The following LY86 variants were observed in gnomAD, a reference collection of about 807,000 sequenced individuals.
LY86 encodes the protein lymphocyte antigen 86, also known as MD-1, RP105-associated.
LY86 carries 20 observed loss-of-function variants against 17.3 expected under a neutral mutation model. That is an observed-to-expected ratio of 1.15 (90% CI 0.81 to 1.68). LY86 has a LOEUF of 1.68. Among genes scored for constraint, LY86 ranks in the 40% most tolerant of loss-of-function variants. The pLI, the probability that LY86 is intolerant of heterozygous loss-of-function variation, is 0.00. For synonymous variants in LY86, 74 were observed against 70.6 expected, an observed-to-expected ratio of 1.05 and a Z score of -0.24; for missense variants, 200 against 191.9, an observed-to-expected ratio of 1.04 and a Z score of -0.25.
intron 1 of LY86, among the ~76,000 whole-genome samples, chr6:6,608,016 C>G (rs777209106): frequency 1.3e-5 from 2 of 152,148 alleles, no homozygotes; most frequent in Non-Finnish European, 2.9e-5. Flanking sequence ...TAGCTGTCTG[C>G]TCTTTAAAGA....
intron 1 of LY86, among the ~76,000 whole-genome samples, chr6:6,613,257 AATC>A (rs1410878031): frequency 1.3e-4 from 20 of 152,220 alleles, no homozygotes; most frequent in Non-Finnish European, 7.4e-5. Context: ...GCTGCCTGCC[AATC>A]CCGCGCCGTG....
chr6:6,624,765 G>C (rs138072232), intron 1 of LY86, among the ~76,000 whole-genome samples, 161 bp from the exon 2 acceptor site: 1 of 152,178 alleles, frequency 6.6e-6, no homozygotes, highest in Non-Finnish European at 1.5e-5. Flanking sequence ...ACACGGGGGG[G>C]AGCTGATGAA....
At chr6:6,642,405 G>A (rs1425648925) in intron 3 of LY86, among the ~76,000 whole-genome samples, 2 of 152,236 alleles carry the variant, frequency 1.3e-5, no homozygotes, top group Non-Finnish European at 2.9e-5. Flanking sequence ...TGGCCCGGGA[G>A]CTTGAGGAGA....
At chr6:6,637,870 C>T (rs1420942958) in intron 3 of LY86, among the ~76,000 whole-genome samples, 2 of 152,180 alleles carry the variant, frequency 1.3e-5, no homozygotes, top group African/African-American at 4.8e-5. Context: ...CTAATCAGCC[C>T]ACCAATTTAT....
intron 1 of LY86, among the ~76,000 whole-genome samples, chr6:6,602,299 G>A (rs1760933725): frequency 6.6e-6 from 1 of 152,162 alleles, no homozygotes; most frequent in South Asian, 2.1e-4. Context: ...TGAACACCTG[G>A]AATTGCTAGA....
At chr6:6,638,655 ATT>A (rs141701659) in intron 3 of LY86, among the ~76,000 whole-genome samples, 1 of 151,284 alleles carries the variant, frequency 6.6e-6, no homozygotes, top group Non-Finnish European at 1.5e-5. Flanking sequence ...ATACTGCTCT[ATT>A]TTTTTTTATT....
At chr6:6,596,920 G>T (rs905235968) in intron 1 of LY86, among the ~76,000 whole-genome samples, 6 of 152,234 alleles carry the variant, frequency 3.9e-5, no homozygotes, top group African/African-American at 1.4e-4. Flanking sequence ...AGAGTCTGTA[G>T]TTCTGAAGAG....
chr6:6,615,178 A>C (rs1008420711), intron 1 of LY86, among the ~76,000 whole-genome samples: 1 of 152,204 alleles, frequency 6.6e-6, no homozygotes, highest in Non-Finnish European at 1.5e-5. Flanking sequence ...AAGGCAAGAG[A>C]ATCACCTGGG....
intron 3 of LY86, among the ~76,000 whole-genome samples, chr6:6,638,515 T>G (rs2113153952): frequency 6.6e-6 from 1 of 152,320 alleles, no homozygotes; most frequent in Non-Finnish European, 1.5e-5. Flanking sequence ...AGTGCACCAG[T>G]CCTACCAGCC....
At chr6:6,631,741 A>C (rs2113147178) in intron 3 of LY86, among the ~76,000 whole-genome samples, 1 of 152,336 alleles carries the variant, frequency 6.6e-6, no homozygotes, top group African/African-American at 2.4e-5. Context: ...TGCAGACCAT[A>C]TGGTCTCTGT....
chr6:6,641,147 C>T (rs115583461), intron 3 of LY86, among the ~76,000 whole-genome samples: 2,966 of 152,348 alleles, frequency 0.019, 46 homozygotes, highest in Middle Eastern at 0.051. Flanking sequence ...ATATGCTGGA[C>T]ATCCCCAAGT....
chr6:6,624,197 A>G lies in LY86; in HGVS notation c.137-729A>G, dbSNP rs190383376. Among the ~76,000 whole-genome samples the G allele has an allele frequency of 4.6e-5, 7 of 152,294 alleles. No individual in the cohort carries two copies. In the East Asian group the frequency reaches 1.4e-3, roughly 29 times the overall value. On this transcript the variant is annotated intron_variant, in intron 1 of 4. Coordinates refer to ENST00000230568, the MANE Select transcript of LY86 (RefSeq NM_004271.4). ...GAAGGATGGATTTGTGATGTGGAGG[A>G]TGGAAGTTGGAGCCAGTCGCTCATT...
intron 3 of LY86, among the ~76,000 whole-genome samples, chr6:6,648,516 C>T (rs1203879350): frequency 6.6e-6 from 1 of 152,162 alleles, no homozygotes; most frequent in Non-Finnish European, 1.5e-5. Flanking sequence ...CTGAGATGAT[C>T]TTCCCCCAGC....
chr6:6,616,311 C>T (rs1211780600), intron 1 of LY86, among the ~76,000 whole-genome samples: 2 of 152,188 alleles, frequency 1.3e-5, no homozygotes, highest in Non-Finnish European at 1.5e-5. Flanking sequence ...GGACTCGTTT[C>T]GCCTCCATCT....
chr6:6,605,560 C>T (rs1193666522), intron 1 of LY86, among the ~76,000 whole-genome samples: 1 of 152,264 alleles, frequency 6.6e-6, no homozygotes, highest in South Asian at 2.1e-4. Flanking sequence ...GTGCTTCCCA[C>T]GGAGTGGGAG....
chr6:6,653,916 G>A (rs1350237441), intron 4 of LY86, among the ~76,000 whole-genome samples: 3 of 151,966 alleles, frequency 2.0e-5, no homozygotes, highest in South Asian at 2.1e-4. Flanking sequence ...TCCTGCAATC[G>A]CCTCCCATCT....
intron 1 of LY86, among the ~76,000 whole-genome samples, chr6:6,604,881 G>T (rs1288629714): frequency 3.4e-5 from 5 of 148,264 alleles, no homozygotes; most frequent in African/African-American, 1.2e-4. Context: ...TTACCTAAAA[G>T]AAGTTATAGA....
intron 3 of LY86, among the ~76,000 whole-genome samples, chr6:6,642,329 G>C (rs1478920192): frequency 2.0e-5 from 3 of 152,252 alleles, no homozygotes; most frequent in African/African-American, 7.2e-5. Context: ...GCAGCACTGA[G>C]AGTCCCGGGA....
chr6:6,611,643 T>A (rs1399047126), intron 1 of LY86, among the ~76,000 whole-genome samples: 1 of 152,238 alleles, frequency 6.6e-6, no homozygotes, highest in Non-Finnish European at 1.5e-5. Flanking sequence ...CCCACACTGG[T>A]GCCTCCCTGT....
Sources: allele counts gnomAD v4.1 joint callset (sites outside exome capture counted in the v4.1 genomes callset), GRCh38; gene constraint gnomAD v4.1.1; transcripts MANE v1.5; gene names NCBI Gene and HGNC (gene_info 2026-07-23, HGNC 2026-07-21).